TBCEL: variants seen among roughly 807,000 people sequenced by gnomAD.
The protein encoded by TBCEL is tubulin-specific chaperone cofactor E-like protein.
Under a neutral mutation model 44.2 loss-of-function variants are expected in TBCEL, and 15 were observed. The ratio of observed to expected loss-of-function variants is 0.34; its 90% CI spans 0.23 to 0.52. TBCEL has a LOEUF of 0.52. Ranked by LOEUF, TBCEL falls within the 20% of genes least tolerant of loss-of-function variation. TBCEL has a pLI of 0.95. For synonymous variants in TBCEL, 171 were observed against 185.4 expected (o/e 0.92, Z 0.63); for missense variants, 319 against 506.3 (o/e 0.63, Z 3.55).
chr11:121,064,780 G>C (rs1945787612), intron 8 of TBCEL, among the ~76,000 whole-genome samples: 1 of 152,110 alleles, frequency 6.6e-6, no homozygotes, highest in Non-Finnish European at 1.5e-5. Context: ...AAGGACATGA[G>C]TGACACAATA....
chr11:121,090,321 C>A lies in TBCEL; in HGVS notation c.*3225C>A, dbSNP rs1321193121. The stretch of plus-strand genomic sequence containing the variant: ...TAAGAGCTGATCACCATTTGAGATA[C>A]GCGGCTTAACGCACATGTGAGTGTA... On this transcript the variant is annotated 3_prime_UTR_variant, in exon 9 of 9. Transcript: ENST00000683345. The A allele has an allele frequency of 6.6e-6, 1 of 152,124 alleles. No homozygotes were observed. Among genetic ancestry groups the A allele is most frequent in the Non-Finnish European group, 1.5e-5 (1 of 68,022 alleles). 9.4% of individuals were successfully genotyped at this position (152,124 alleles called of 1,614,324 possible).
intron 7 of TBCEL, among the ~76,000 whole-genome samples, chr11:121,059,767 G>A (rs1280196743): frequency 2.6e-5 from 4 of 151,912 alleles, no homozygotes; most frequent in African/African-American, 9.7e-5. Flanking sequence ...AAAGTTCAGT[G>A]TCACATGAAA....
chr11:121,051,670 G>A (rs1945531486), intron 4 of TBCEL, among the ~76,000 whole-genome samples: 2 of 151,756 alleles, frequency 1.3e-5, no homozygotes, highest in Non-Finnish European at 2.9e-5. Context: ...GAGAATATGT[G>A]CACACTGGTA....
At chr11:121,025,961 T>C (rs180972037) in intron 1 of TBCEL, among the ~76,000 whole-genome samples, 1 of 152,294 alleles carries the variant, frequency 6.6e-6, no homozygotes, top group African/African-American at 2.4e-5. Context: ...AGAGGCCTAG[T>C]TCCACTTAGT....
chr11:121,069,869 T>C (rs886949366), intron 8 of TBCEL, among the ~76,000 whole-genome samples: 4 of 152,064 alleles, frequency 2.6e-5, no homozygotes, highest in Non-Finnish European at 4.4e-5. Context: ...GGGCAGTCCG[T>C]GAAAGACTTT....
At position 121,087,181 on chromosome 11, in the gene TBCEL, G is replaced by A; in HGVS notation, c.*85G>A. ...AATGTGGTTTTCTTTAGGAGGGAGA[G>A]GTTGTTTTTGTTTTGTTTTGTTCTG... On this transcript the variant is annotated 3_prime_UTR_variant, in exon 9 of 9. Coordinates refer to ENST00000683345, the MANE Select transcript of TBCEL (RefSeq NM_001363644.2). The A allele has an allele frequency of 7.5e-7, 1 of 1,342,064 alleles. No homozygotes were observed. The highest frequency in any genetic ancestry group is 1.0e-6 in the Non-Finnish European group (1 of 987,474). 83.1% of individuals were successfully genotyped at this position (1,342,064 alleles called of 1,614,324 possible). A position where few individuals can be genotyped will look rare whatever the true frequency, so the allele number is the denominator to read the frequency against.
At chr11:121,058,281 CTA>C in intron 6 of TBCEL, 62 bp from the exon 7 acceptor site, 1 of 1,548,790 alleles carries the variant, frequency 6.5e-7, no homozygotes, top group Middle Eastern at 1.7e-4. Flanking sequence ...AATATTTTTG[CTA>C]TGTTTCTCTT....
intron 1 of TBCEL, 38 bp downstream of exon 1, chr11:121,024,329 CGA>C (rs1945004505): frequency 2.6e-5 from 4 of 152,390 alleles, no homozygotes; most frequent in African/African-American, 9.7e-5. Flanking sequence ...GCCGGGCTCT[CGA>C]GGCCCGAGGC....
chr11:121,046,640 G>A (rs889641710), intron 3 of TBCEL, among the ~76,000 whole-genome samples: 2 of 151,910 alleles, frequency 1.3e-5, no homozygotes, highest in African/African-American at 4.8e-5. Flanking sequence ...GCTGAAAGTA[G>A]CAAGTTGAAA....
chr11:121,057,524 A>G, intron 6 of TBCEL: 1 of 435,074 alleles, frequency 2.3e-6, no homozygotes, highest in Non-Finnish European at 4.6e-6. Context: ...CTCTCCTGTC[A>G]CCAAATTGAT....
rs111981178 is a variant in TBCEL at position 121,088,353 on chromosome 11, C to T, written c.*1257C>T. The T allele has an allele frequency of 2.6e-5, 4 of 152,278 alleles. No homozygotes were observed. The highest frequency in any genetic ancestry group is 4.4e-5 in the Non-Finnish European group (3 of 68,022). The allele number at this position is 152,278 out of a possible 1,614,324, so 9.4% of individuals were successfully genotyped here. Reference sequence around the variant, plus strand: ...TGTAAGTGTCAAAACTTTACAATTGCCTCCAAGTCATATTTTTTGCAGAAG... The same window carrying T: ...TGTAAGTGTCAAAACTTTACAATTGTCTCCAAGTCATATTTTTTGCAGAAG... On this transcript the variant is annotated 3_prime_UTR_variant, in exon 9 of 9. Coordinates refer to ENST00000683345, the MANE Select transcript of TBCEL (RefSeq NM_001363644.2).
chr11:121,040,167 C>G (rs1234512067), intron 2 of TBCEL, among the ~76,000 whole-genome samples: 1 of 152,016 alleles, frequency 6.6e-6, no homozygotes, highest in Non-Finnish European at 1.5e-5. Context: ...CCTCTCTTTC[C>G]TTTTTTAATC....
At chr11:121,080,029 CT>C (rs1946097533) in intron 8 of TBCEL, among the ~76,000 whole-genome samples, 1 of 152,120 alleles carries the variant, frequency 6.6e-6, no homozygotes, top group Admixed American at 6.5e-5. Flanking sequence ...GTTGGCCAGA[CT>C]GGTCACAAAC....
chr11:121,073,265 TC>T (rs1945970418), intron 8 of TBCEL, among the ~76,000 whole-genome samples: 1 of 152,060 alleles, frequency 6.6e-6, no homozygotes, highest in African/African-American at 2.4e-5. Flanking sequence ...TATTGTATAT[TC>T]CTATCTGTGA....
At chr11:121,078,510 A>T (rs1204089385) in intron 8 of TBCEL, among the ~76,000 whole-genome samples, 2 of 152,230 alleles carry the variant, frequency 1.3e-5, no homozygotes. Flanking sequence ...GATTTAATTC[A>T]GTTCCTGGTG....
intron 8 of TBCEL, 35 bp downstream of exon 8, chr11:121,060,120 G>T: frequency 6.8e-7 from 1 of 1,479,400 alleles, no homozygotes. Context: ...CACTTTAGAG[G>T]GTGGTGATGC....
At chr11:121,047,499 G>C (rs1249828634) in intron 3 of TBCEL, 29 bp from the exon 4 acceptor site, 1 of 1,608,350 alleles carries the variant, frequency 6.2e-7, no homozygotes, top group African/African-American at 1.3e-5. Context: ...GGCTGATATA[G>C]AAAACATTTT....
chr11:121,058,364 C>T lies in TBCEL; in HGVS notation c.732C>T (p.Asp244=), dbSNP rs368689002. The T allele has an allele frequency of 1.2e-6, 2 of 1,611,492 alleles. No homozygotes were observed. ...AATTAGGTTTGCAGTCCTGGGAAGA[C>T]ATTGATAAACTAAATTCATTTCCCA... is the stretch of plus-strand genomic sequence containing the variant. ...LHKSGLQSWE[D]IDKLNSFPKL... Residue 244 remains aspartate (D), a synonymous_variant, in exon 7 of 9, where the codon GAC becomes GAT. Transcript: ENST00000683345.
intron 7 of TBCEL, among the ~76,000 whole-genome samples, 164 bp from the exon 8 acceptor site, chr11:121,059,805 G>A (rs554860608): frequency 6.6e-6 from 1 of 151,816 alleles, no homozygotes; most frequent in South Asian, 2.1e-4. Flanking sequence ...TTGTCCTTTC[G>A]GTTTAGACCA....
Sources: gnomAD v4.1 joint callset for allele counts (sites outside exome capture counted in the v4.1 genomes callset) on GRCh38, gnomAD v4.1.1 for gene constraint, MANE v1.5 for transcripts, NCBI Gene and HGNC (gene_info 2026-07-23, HGNC 2026-07-21) for gene names.